DNASE1: variants seen among roughly 807,000 people sequenced by gnomAD.
DNASE1 encodes the protein deoxyribonuclease 1.
A neutral mutation model predicts 33.9 loss-of-function variants in DNASE1; 40 were observed. The observed-to-expected ratio is 1.18, with a 90% CI of 0.92 to 1.54. The LOEUF is 1.54. Ranked by LOEUF, DNASE1 falls within the 40% of genes most tolerant of loss-of-function variation. DNASE1 has a pLI of 0.00. For missense variants in DNASE1, 518 were observed against 372.6 expected, an observed-to-expected ratio of 1.39 and a Z score of -3.21; for synonymous variants, 216 against 160.0, an observed-to-expected ratio of 1.35 and a Z score of -2.64.
chr16:3,660,399 G>A (rs1021854996), downstream of DNASE1: 1 of 152,256 alleles, frequency 6.6e-6, no homozygotes, highest in African/African-American at 2.4e-5. Flanking sequence ...CACTTTGGGA[G>A]GCCAAGGCTG....
intron 1 of DNASE1, among the ~76,000 whole-genome samples, chr16:3,617,339 A>G (rs1040872757): frequency 9.6e-6 from 1 of 104,416 alleles, no homozygotes; most frequent in Non-Finnish European, 2.2e-5. Context: ...AAAAAAAAAA[A>G]AAAAAAAAAA....
chr16:3,654,664 A>G (rs2042479941), upstream of DNASE1: 1 of 399,150 alleles, frequency 2.5e-6, no homozygotes, highest in Non-Finnish European at 4.4e-6. Context: ...GACATTTTAA[A>G]ACTAAGTGCA....
At chr16:3,657,445 A>C in intron 7 of DNASE1, 104 bp downstream of exon 7, 2 of 1,468,684 alleles carry the variant, frequency 1.4e-6, no homozygotes. Flanking sequence ...ACACTCACCC[A>C]ACTGAGCTTC....
intron 1 of DNASE1, among the ~76,000 whole-genome samples, chr16:3,612,881 C>T (rs1342612801): frequency 6.6e-6 from 1 of 151,616 alleles, no homozygotes; most frequent in East Asian, 1.9e-4. Flanking sequence ...TAACGATTTG[C>T]CGGTTTCTGG....
At chr16:3,661,789 C>CCAG, downstream of DNASE1, 3 of 572,956 alleles carry the variant, frequency 5.2e-6, no homozygotes, top group Middle Eastern at 4.1e-4. Context: ...TCCCAGGTGA[C>CCAG]ACCTGGGGAT....
At chr16:3,612,241 T>C (rs968327294) in intron 1 of DNASE1, among the ~76,000 whole-genome samples, 3 of 152,064 alleles carry the variant, frequency 2.0e-5, no homozygotes, top group African/African-American at 4.8e-5. Context: ...TCGGGAGCCA[T>C]TGAAGGTTTT....
intron 1 of DNASE1, among the ~76,000 whole-genome samples, chr16:3,633,469 G>A (rs1172343537): frequency 5.9e-5 from 9 of 152,036 alleles, no homozygotes; most frequent in African/African-American, 1.4e-4. Context: ...TTAGCCGGGC[G>A]TGGTGGTGGA....
chr16:3,656,215 T>TCCC, intron 4 of DNASE1, 30 bp downstream of exon 4: 1 of 1,608,508 alleles, frequency 6.2e-7, no homozygotes, highest in Non-Finnish European at 8.5e-7. Context: ...AGGAAGCCCC[T>TCCC]CCCTCACCTG....
chr16:3,644,486 C>G (rs1350405114), intron 1 of DNASE1, among the ~76,000 whole-genome samples: 1 of 152,162 alleles, frequency 6.6e-6, no homozygotes, highest in Non-Finnish European at 1.5e-5. Context: ...TCGCTTGAAT[C>G]TGGGAGGCAG....
chr16:3,620,680 C>G (rs1279257956), intron 1 of DNASE1, among the ~76,000 whole-genome samples: 1 of 151,754 alleles, frequency 6.6e-6, no homozygotes, highest in African/African-American at 2.4e-5. Flanking sequence ...CAATAAATGT[C>G]TTTGTACTTA....
intron 1 of DNASE1, among the ~76,000 whole-genome samples, chr16:3,623,179 A>G (rs554411212): frequency 2.6e-5 from 4 of 152,332 alleles, no homozygotes; most frequent in Admixed American, 2.6e-4. Flanking sequence ...AGAACCCAGA[A>G]GTAATGCCAC....
intron 1 of DNASE1, among the ~76,000 whole-genome samples, chr16:3,649,070 T>A (rs1362399747): frequency 6.6e-6 from 1 of 152,208 alleles, no homozygotes; most frequent in East Asian, 1.9e-4. Context: ...GTCATTTAGA[T>A]CTAGAGGTTT....
chr16:3,656,921 G>A lies in DNASE1; in HGVS notation c.437-78G>A, dbSNP rs1002785650. 5.1e-6 allele frequency: 8 copies of A among 1,571,104 alleles called. No individual in the cohort carries two copies. In the African/African-American group the frequency reaches 8.1e-5, roughly 16 times the overall value. On this transcript the variant is annotated intron_variant, in intron 5 of 8. Transcript: ENST00000246949. Reference sequence around the variant, plus strand: ...ATCCACCCCCCGGGGGGACTGTCATGATACATAGTTCCAGCTGACATGGTG... The same window carrying A: ...ATCCACCCCCCGGGGGGACTGTCATAATACATAGTTCCAGCTGACATGGTG...
At chr16:3,621,545 A>G (rs1024009984) in intron 1 of DNASE1, among the ~76,000 whole-genome samples, 1 of 151,452 alleles carries the variant, frequency 6.6e-6, no homozygotes, top group African/African-American at 2.4e-5. Context: ...ACATACAAAT[A>G]TAAATATATA....
At position 3,614,853 on chromosome 16, in the gene DNASE1, T is replaced by A. The variant is rs528386684; in HGVS notation, c.-1359+2847T>A. Among the ~76,000 whole-genome samples, 130 of 152,330 alleles carry A rather than the reference T, an allele frequency of 8.5e-4. 1 individual carries two copies. The highest frequency in any genetic ancestry group is 1.5e-3 in the Non-Finnish European group (101 of 68,032). ...TGAAGGATAATTGTAATGGTAGAAA[T>A]TACTGTTTTCCAGTCAGACTGAAAA... is the stretch of plus-strand genomic sequence containing the variant. On this transcript the variant is annotated intron_variant and NMD_transcript_variant, in intron 1 of 11. Transcript: ENST00000570769.
exon 10 of DNASE1, chr16:3,663,703 G>T: frequency 9.9e-7 from 1 of 1,012,586 alleles, no homozygotes; most frequent in Non-Finnish European, 1.4e-6. Flanking sequence ...TCCTAGGCCT[G>T]CATGACAGTT....
chr16:3,615,713 C>G (rs1478829485), intron 1 of DNASE1, among the ~76,000 whole-genome samples: 1 of 152,112 alleles, frequency 6.6e-6, no homozygotes, highest in Non-Finnish European at 1.5e-5. Context: ...GCTGTTTTCC[C>G]AGTTCATAGG....
chr16:3,650,771 G>T (rs1486966141), upstream of DNASE1: 1 of 152,134 alleles, frequency 6.6e-6, no homozygotes, highest in East Asian at 1.9e-4. Context: ...TGGGATGTGT[G>T]TGCCTGTCGA....
At chr16:3,642,695 G>C (rs1331680488), upstream of DNASE1, among the ~76,000 whole-genome samples, 1 of 152,224 alleles carries the variant, frequency 6.6e-6, no homozygotes, top group African/African-American at 2.4e-5. Context: ...AGGATGCAGA[G>C]GTCTTCTGTC....
Sources: allele counts gnomAD v4.1 joint callset (sites outside exome capture counted in the v4.1 genomes callset), GRCh38; gene constraint gnomAD v4.1.1; transcripts MANE v1.5; gene names NCBI Gene and HGNC (gene_info 2026-07-23, HGNC 2026-07-21).